Variants in RBFOX1 observed in about 807,000 individuals in gnomAD.
RBFOX1 encodes RNA binding fox-1 homolog 1.
In RBFOX1, 8 loss-of-function variants were observed where a neutral mutation model predicts 57.7. The observed-to-expected ratio is 0.14, with a 90% CI of 0.08 to 0.25. RBFOX1 has a LOEUF of 0.25. Ranked by LOEUF, RBFOX1 falls within the 10% of genes least tolerant of loss-of-function variation. RBFOX1 has a pLI of 1.00. For synonymous variants in RBFOX1, 326 were observed against 222.4 expected (o/e 1.47, Z -4.15); for missense variants, 611 against 548.5 (o/e 1.11, Z -1.14).
intron 3 of RBFOX1, among the ~76,000 whole-genome samples, chr16:6,901,700 T>A (rs1030129770): frequency 1.3e-5 from 2 of 152,196 alleles, no homozygotes; most frequent in African/African-American, 4.8e-5. Flanking sequence ...GCAGAGATAA[T>A]TTGTTACATG....
chr16:6,620,784 C>A (rs568788135), intron 2 of RBFOX1, among the ~76,000 whole-genome samples: 1 of 150,514 alleles, frequency 6.6e-6, no homozygotes, highest in South Asian at 2.1e-4. Flanking sequence ...CGCATAGATC[C>A]TCCCCAGACT....
At chr16:6,682,144 G>A (rs764476543) in intron 3 of RBFOX1, among the ~76,000 whole-genome samples, 3 of 152,184 alleles carry the variant, frequency 2.0e-5, no homozygotes, top group Non-Finnish European at 4.4e-5. Context: ...TGCCTTGAAT[G>A]TGTATTGTTT....
chr16:6,796,620 C>A (rs2084116335), intron 3 of RBFOX1, among the ~76,000 whole-genome samples: 1 of 152,104 alleles, frequency 6.6e-6, no homozygotes, highest in Non-Finnish European at 1.5e-5. Context: ...TTCAAAGGAA[C>A]TTTCTCTCTG....
intron 4 of RBFOX1, among the ~76,000 whole-genome samples, chr16:7,341,581 C>A (rs2096891510): frequency 6.6e-6 from 1 of 152,140 alleles, no homozygotes; most frequent in Non-Finnish European, 1.5e-5. Context: ...TCATTGCTGT[C>A]AGTGGTCTGA....
intron 7 of RBFOX1, among the ~76,000 whole-genome samples, chr16:7,588,823 A>C (rs1305340320): frequency 1.3e-5 from 2 of 152,070 alleles, no homozygotes; most frequent in Non-Finnish European, 2.9e-5. Context: ...AAGTAAATTT[A>C]GTACTAATTA....
In RBFOX1 at chr16:7,036,739, A is replaced by C. The variant is rs1022477739; in HGVS notation, c.-15-15318A>C. 3.6e-4 allele frequency among the ~76,000 whole-genome samples: 44 copies of C among 121,340 alleles called. 1 individual carries two copies. The East Asian group carries it at 4.7e-3, about 13-fold the overall frequency. 79.6% of individuals were successfully genotyped at this position (121,340 alleles called of 152,430 possible). On this transcript the variant is annotated intron_variant, in intron 3 of 15. Transcript: ENST00000550418. ...AAAAACAAAAAACAAACAAAGAAAA[A>C]AAAAAAGAAAGAATTCAGGGAAGTC...
At chr16:6,644,123 C>T (rs1165835400) in intron 2 of RBFOX1, among the ~76,000 whole-genome samples, 1 of 152,182 alleles carries the variant, frequency 6.6e-6, no homozygotes, top group East Asian at 1.9e-4. Context: ...GAGACTCCAT[C>T]TCAATAATAA....
chr16:5,680,064 T>C (rs1182502527), intron 3 of RBFOX1, among the ~76,000 whole-genome samples: 1 of 152,158 alleles, frequency 6.6e-6, no homozygotes, highest in Non-Finnish European at 1.5e-5. Context: ...TGGGGCTCGA[T>C]TGATTTAATG....
At chr16:7,453,623 T>C (rs9935147) in intron 4 of RBFOX1, among the ~76,000 whole-genome samples, 66,732 of 151,894 alleles carry the variant, frequency 0.44, 15,071 homozygotes, top group East Asian at 0.56. Context: ...TTCATACACA[T>C]GTTAAAGCGT....
At chr16:7,474,302 C>G (rs1462077040) in intron 4 of RBFOX1, among the ~76,000 whole-genome samples, 1 of 151,582 alleles carries the variant, frequency 6.6e-6, no homozygotes. Context: ...AAACAGAAAA[C>G]AAACAAACAA....
intron 3 of RBFOX1, among the ~76,000 whole-genome samples, chr16:6,662,162 A>G (rs1050370681): frequency 4.6e-5 from 7 of 152,138 alleles, no homozygotes; most frequent in African/African-American, 1.7e-4. Context: ...GATCTTGGTC[A>G]AAGGATACAA....
chr16:7,192,118 A>C (rs1331165789), intron 4 of RBFOX1, among the ~76,000 whole-genome samples: 7 of 152,170 alleles, frequency 4.6e-5, no homozygotes, highest in Non-Finnish European at 1.0e-4. Flanking sequence ...AAAAAGAAGC[A>C]AAAAATAATT....
chr16:7,110,427 C>A (rs182108283), intron 4 of RBFOX1, among the ~76,000 whole-genome samples: 109 of 152,150 alleles, frequency 7.2e-4, no homozygotes, highest in African/African-American at 2.6e-3. Context: ...AATTTGCTTG[C>A]AAAACACAGC....
At chr16:6,964,787 T>C (rs1048781525) in intron 3 of RBFOX1, among the ~76,000 whole-genome samples, 7 of 152,122 alleles carry the variant, frequency 4.6e-5, no homozygotes, top group East Asian at 1.9e-4. Flanking sequence ...GCAGGGCTGT[T>C]TGAAAAGCTT....
chr16:6,523,569 G>T (rs531862984), intron 2 of RBFOX1, among the ~76,000 whole-genome samples: 2 of 152,052 alleles, frequency 1.3e-5, no homozygotes, highest in South Asian at 4.1e-4. Flanking sequence ...TTTTGACCTT[G>T]CCTTTCAGTC....
At chr16:5,276,876 C>T (rs1567268871) in intron 1 of RBFOX1, among the ~76,000 whole-genome samples, 1 of 152,292 alleles carries the variant, frequency 6.6e-6, no homozygotes, top group South Asian at 2.1e-4. Flanking sequence ...CTATGGAAAG[C>T]AGTATGGAGA....
At chr16:6,549,260 GGAGGA>G (rs1187332229) in intron 2 of RBFOX1, among the ~76,000 whole-genome samples, 1 of 21,730 alleles carries the variant, frequency 4.6e-5, no homozygotes, top group African/African-American at 2.4e-4. Context: ...GGAGGGAGGA[GGAGGA>G]GAGGAGGGAG....
intron 3 of RBFOX1, among the ~76,000 whole-genome samples, chr16:6,965,187 G>C (rs375152933): frequency 6.6e-6 from 1 of 152,136 alleles, no homozygotes; most frequent in Admixed American, 6.6e-5. Context: ...TAGATTCTGG[G>C]AGAGGTGGGT....
At chr16:5,964,747 G>A (rs1261587263) in intron 4 of RBFOX1, among the ~76,000 whole-genome samples, 1 of 151,554 alleles carries the variant, frequency 6.6e-6, no homozygotes, top group East Asian at 1.9e-4. Flanking sequence ...CTTAGGTTAT[G>A]TGTGTGTATA....
Sources: gnomAD v4.1 joint callset for allele counts (sites outside exome capture counted in the v4.1 genomes callset) on GRCh38, gnomAD v4.1.1 for gene constraint, MANE v1.5 for transcripts, NCBI Gene and HGNC (gene_info 2026-07-23, HGNC 2026-07-21) for gene names.